The following ARK2C variants were observed in gnomAD, a reference collection of about 807,000 sequenced individuals.
The protein encoded by ARK2C is arkadia (RNF111) C-terminal like ring finger ubiquitin ligase 2C.
chr18:46,453,770 C>A, the ARK2C span, among the ~76,000 whole-genome samples: 1 of 150,982 alleles, frequency 6.6e-6, no homozygotes, highest in Non-Finnish European at 1.5e-5. Context: ...GAAAAATATG[C>A]AAAGAATAAA....
the ARK2C span, among the ~76,000 whole-genome samples, chr18:46,383,640 T>C: frequency 5.3e-4 from 79 of 148,154 alleles, no homozygotes; most frequent in Admixed American, 2.8e-3. Context: ...CTGCAAGCTC[T>C]GCCTCCAGGG....
At chr18:46,406,196 C>T in the ARK2C span, among the ~76,000 whole-genome samples, 11 of 152,300 alleles carry the variant, frequency 7.2e-5, no homozygotes, top group South Asian at 1.0e-3. Context: ...CATCCAGAGT[C>T]GTCACAAACT....
chr18:46,366,292 CAAAAAAAAAAAA>C, the ARK2C span, among the ~76,000 whole-genome samples: 58 of 54,512 alleles, frequency 1.1e-3, no homozygotes, highest in African/African-American at 2.5e-3. Flanking sequence ...AACTCTGGCT[CAAAAAAAAAAAA>C]AAAAAAAAAA....
chr18:46,368,779 T>A, the ARK2C span, among the ~76,000 whole-genome samples: 1 of 152,250 alleles, frequency 6.6e-6, no homozygotes, highest in Non-Finnish European at 1.5e-5. Flanking sequence ...ATTCACTTGC[T>A]GTGGGACCTT....
the ARK2C span, among the ~76,000 whole-genome samples, chr18:46,453,268 T>G: frequency 3.9e-5 from 6 of 152,168 alleles, no homozygotes; most frequent in Non-Finnish European, 7.4e-5. Context: ...AAATGATCAT[T>G]CTCTGGAGAG....
At chr18:46,368,779 T>G in the ARK2C span, among the ~76,000 whole-genome samples, 1 of 152,250 alleles carries the variant, frequency 6.6e-6, no homozygotes, top group Non-Finnish European at 1.5e-5. Context: ...ATTCACTTGC[T>G]GTGGGACCTT....
the ARK2C span, among the ~76,000 whole-genome samples, chr18:46,420,580 C>T: frequency 0.016 from 2,370 of 152,060 alleles, 62 homozygotes; most frequent in African/African-American, 0.054. Context: ...TGCGGTGGCT[C>T]ACGCCTGTAA....
the ARK2C span, among the ~76,000 whole-genome samples, chr18:46,383,230 G>A: frequency 1.5e-4 from 23 of 152,244 alleles, no homozygotes; most frequent in Non-Finnish European, 2.9e-4. Flanking sequence ...GTTGGGGGCT[G>A]AAGACAGAGA....
At chr18:46,380,394 T>G in the ARK2C span, among the ~76,000 whole-genome samples, 363 of 152,286 alleles carry the variant, frequency 2.4e-3, 1 homozygote, top group African/African-American at 8.2e-3. Flanking sequence ...GGAACTTGCT[T>G]AAGGTTTCTT....
the ARK2C span, among the ~76,000 whole-genome samples, chr18:46,443,911 T>A: frequency 6.6e-6 from 1 of 152,220 alleles, no homozygotes; most frequent in Non-Finnish European, 1.5e-5. Flanking sequence ...AAGAACTTTT[T>A]AAAACACTTC....
At chr18:46,392,181 C>T in the ARK2C span, among the ~76,000 whole-genome samples, 12 of 152,210 alleles carry the variant, frequency 7.9e-5, no homozygotes, top group Non-Finnish European at 1.8e-4. Flanking sequence ...CACACATGCA[C>T]ACATACTGTG....
the ARK2C span, among the ~76,000 whole-genome samples, chr18:46,418,324 T>A: frequency 9.9e-5 from 15 of 152,136 alleles, no homozygotes; most frequent in Non-Finnish European, 2.2e-4. Flanking sequence ...GCCATTGCAC[T>A]CCAGCCTGAG....
chr18:46,371,978 C>T, the ARK2C span, among the ~76,000 whole-genome samples: 1 of 152,218 alleles, frequency 6.6e-6, no homozygotes, highest in Non-Finnish European at 1.5e-5. Context: ...TAGACTTGGT[C>T]CCATGTCACT....
At chr18:46,373,737 T>C in the ARK2C span, among the ~76,000 whole-genome samples, 1 of 152,058 alleles carries the variant, frequency 6.6e-6, no homozygotes, top group Non-Finnish European at 1.5e-5. Context: ...TCTCTGCAGG[T>C]GTGGGGGGAA....
chr18:46,436,594 A>G, the ARK2C span, among the ~76,000 whole-genome samples: 5 of 152,342 alleles, frequency 3.3e-5, no homozygotes, highest in East Asian at 5.8e-4. Context: ...ATGCACACCC[A>G]GGAATGATTC....
chr18:46,336,678 A>G, the ARK2C span: 5 of 985,278 alleles, frequency 5.1e-6, no homozygotes, highest in African/African-American at 1.7e-5. Flanking sequence ...GATGTAGAGA[A>G]ATAACCATTT....
At chr18:46,390,730 G>A in the ARK2C span, among the ~76,000 whole-genome samples, 1 of 152,172 alleles carries the variant, frequency 6.6e-6, no homozygotes, top group East Asian at 1.9e-4. Context: ...GGAAGGCGGT[G>A]GCTCGGAATC....
chr18:46,372,872 C>A, the ARK2C span, among the ~76,000 whole-genome samples: 1 of 152,226 alleles, frequency 6.6e-6, no homozygotes, highest in Non-Finnish European at 1.5e-5. Context: ...AAGCCTCCCG[C>A]GGCACAGGAA....
At chr18:46,432,672 C>T in the ARK2C span, among the ~76,000 whole-genome samples, 9 of 152,232 alleles carry the variant, frequency 5.9e-5, no homozygotes, top group African/African-American at 1.9e-4. Flanking sequence ...AGATACACTT[C>T]CCCGGCCAGG....
Sources: allele counts gnomAD v4.1 joint callset (sites outside exome capture counted in the v4.1 genomes callset), GRCh38; gene constraint gnomAD v4.1.1; transcripts MANE v1.5; gene names NCBI Gene and HGNC (gene_info 2026-07-23, HGNC 2026-07-21).